The following HDAC9 variants were observed in gnomAD, a reference collection of about 807,000 sequenced individuals.
The protein encoded by HDAC9 is MEF-2 interacting transcription repressor (MITR) protein.
In HDAC9, 41 loss-of-function variants were observed where a neutral mutation model predicts 139.4. That is an observed-to-expected ratio of 0.29 (90% CI 0.23 to 0.38). The LOEUF (loss-of-function observed/expected upper bound fraction) is 0.38. HDAC9 is among the 10% of genes least tolerant of loss of function. The pLI is 1.00. For synonymous variants in HDAC9, 517 were observed against 476.2 expected, an observed-to-expected ratio of 1.09 and a Z score of -1.12; for missense variants, 1,147 against 1,297.0, an observed-to-expected ratio of 0.88 and a Z score of 1.78.
intron 1 of HDAC9, among the ~76,000 whole-genome samples, chr7:18,441,763 TTTGTTG>T (rs200207868): frequency 4.7e-5 from 7 of 150,210 alleles, no homozygotes; most frequent in East Asian, 1.9e-4. Flanking sequence ...ACATATATGT[TTTGTTG>T]TTGTTGTTGT....
chr7:18,190,653 C>T lies in HDAC9; in HGVS notation c.25+28304C>T, dbSNP rs116872291. 4.1e-3 allele frequency among the ~76,000 whole-genome samples: 620 copies of T among 152,230 alleles called. 26 individuals are homozygous for T. In the East Asian group the frequency reaches 0.078, roughly 19 times the overall value. On this transcript the variant is annotated intron_variant, in intron 2 of 12. Transcript: ENST00000417496. ...GAAAACGTTTCTCTAAAACTTTCTA[C>T]GCTATCATTGAAATAGCTATTAAAT... is the stretch of plus-strand genomic sequence containing the variant.
At chr7:18,960,009 A>AACACACACACACACACACACACACAC (rs58030908) in intron 24 of HDAC9, among the ~76,000 whole-genome samples, 1 of 149,026 alleles carries the variant, frequency 6.7e-6, no homozygotes, top group African/African-American at 2.5e-5. Flanking sequence ...TGTTGTTTTA[A>AACACACACACACACACACACACACAC]ACACACACAC....
chr7:18,970,942 G>A (rs1419424198), intron 24 of HDAC9, among the ~76,000 whole-genome samples: 1 of 152,128 alleles, frequency 6.6e-6, no homozygotes. Context: ...TGGTAGATAG[G>A]TGACTTGTGT....
chr7:18,244,183 A>C (rs1794368443), intron 2 of HDAC9, among the ~76,000 whole-genome samples: 1 of 152,052 alleles, frequency 6.6e-6, no homozygotes, highest in African/African-American at 2.4e-5. Context: ...CCAATAGTGC[A>C]GGAGGGTGAG....
At chr7:18,166,201 G>A (rs754833552) in intron 2 of HDAC9, among the ~76,000 whole-genome samples, 2 of 152,142 alleles carry the variant, frequency 1.3e-5, no homozygotes, top group Non-Finnish European at 2.9e-5. Flanking sequence ...GCAATGCTCT[G>A]GCCTTGTGGG....
intron 2 of HDAC9, among the ~76,000 whole-genome samples, chr7:18,274,016 ACCTAT>A (rs2036316147): frequency 6.6e-6 from 1 of 152,200 alleles, no homozygotes; most frequent in South Asian, 2.1e-4. Flanking sequence ...AGAAAATTTC[ACCTAT>A]ATATGTAGTA....
At chr7:18,573,980 C>T (rs79197728) in intron 2 of HDAC9, among the ~76,000 whole-genome samples, 3,705 of 152,298 alleles carry the variant, frequency 0.024, 47 homozygotes, top group South Asian at 0.075. Context: ...CTCTTTTAGT[C>T]CCACCATTTG....
At chr7:18,095,497 A>G (rs927801913) in intron 1 of HDAC9, among the ~76,000 whole-genome samples, 22 of 152,146 alleles carry the variant, frequency 1.4e-4, no homozygotes, top group African/African-American at 5.3e-4. Context: ...GTGGCTCGCT[A>G]GAGATTCATA....
chr7:18,829,494 C>A lies in HDAC9; in HGVS notation c.2412C>A (p.Thr804=). 1 of 1,612,494 alleles carries A rather than the reference C, an allele frequency of 6.2e-7. No individual in the cohort carries two copies. The highest frequency in any genetic ancestry group is 1.1e-5 in the South Asian group (1 of 91,000). The change falls in exon 19 of 26, where the codon ACC becomes ACA. Residue 804 remains threonine, a synonymous_variant. Transcript: ENST00000686413. ...GCTTTTTTAATTCAGTTGCAATTACCGCCAAATACTTGAGAGACCAACTAA... is the reference window on the plus strand; with the variant it reads ...GCTTTTTTAATTCAGTTGCAATTACAGCCAAATACTTGAGAGACCAACTAA... The part of the protein sequence containing the change: ...GFCFFNSVAI[T]AKYLRDQLNI...
intron 25 of HDAC9, among the ~76,000 whole-genome samples, chr7:18,976,294 G>A (rs545422777): frequency 2.6e-5 from 4 of 152,210 alleles, no homozygotes; most frequent in Non-Finnish European, 5.9e-5. Flanking sequence ...AGTTATCTCT[G>A]TTTTTCCAGA....
At chr7:18,987,118 G>C (rs184370897) in intron 25 of HDAC9, among the ~76,000 whole-genome samples, 5 of 152,210 alleles carry the variant, frequency 3.3e-5, no homozygotes, top group Non-Finnish European at 7.3e-5. Context: ...AAGAGGAGTG[G>C]TGAGAGAGGG....
intron 23 of HDAC9, among the ~76,000 whole-genome samples, chr7:18,939,822 C>CTT (rs1206066069): frequency 6.6e-6 from 1 of 152,156 alleles, no homozygotes; most frequent in African/African-American, 2.4e-5. Context: ...TGGGATTTCA[C>CTT]TTTTACAAAT....
chr7:18,831,206 A>T (rs1021683490), intron 19 of HDAC9, among the ~76,000 whole-genome samples: 3 of 152,210 alleles, frequency 2.0e-5, no homozygotes, highest in Non-Finnish European at 2.9e-5. Flanking sequence ...GGATAGTCAA[A>T]AACTGTTAGG....
chr7:18,227,742 A>G (rs886909409), intron 2 of HDAC9, among the ~76,000 whole-genome samples: 8 of 152,096 alleles, frequency 5.3e-5, no homozygotes, highest in African/African-American at 1.7e-4. Flanking sequence ...AAATATTATC[A>G]TATTACTATT....
chr7:18,264,232 G>A (rs547520108), intron 2 of HDAC9, among the ~76,000 whole-genome samples: 2 of 152,064 alleles, frequency 1.3e-5, no homozygotes, highest in Non-Finnish European at 2.9e-5. Context: ...TCTTCTCAGT[G>A]CTCAAGGACT....
chr7:18,902,760 C>T (rs772487216), intron 22 of HDAC9, among the ~76,000 whole-genome samples: 139 of 152,010 alleles, frequency 9.1e-4, no homozygotes, highest in Non-Finnish European at 1.6e-3. Flanking sequence ...ATAAGGAACA[C>T]TTTTGATTTT....
chr7:18,464,739 G>T lies in HDAC9; in HGVS notation c.-41-31523G>T, dbSNP rs7792491. Reference sequence around the variant, plus strand: ...TTTATGTTATCTAGGAATATTTTATGCTTCCTTTTATTTCTGTGTTATAAC... The same window carrying T: ...TTTATGTTATCTAGGAATATTTTATTCTTCCTTTTATTTCTGTGTTATAAC... On this transcript the variant is annotated intron_variant, in intron 1 of 3. Transcript: ENST00000413509. 6.4e-3 allele frequency among the ~76,000 whole-genome samples: 980 copies of T among 152,044 alleles called. 12 individuals carry two copies. Among genetic ancestry groups the T allele is most frequent in the African/African-American group, 0.022 (922 of 41,522 alleles).
intron 2 of HDAC9, among the ~76,000 whole-genome samples, chr7:18,184,793 C>T (rs1352990960): frequency 1.3e-5 from 2 of 152,130 alleles, no homozygotes; most frequent in African/African-American, 4.8e-5. Flanking sequence ...TTCAGAACAG[C>T]TATATAGTTG....
At chr7:18,376,023 G>A (rs1022895453) in intron 1 of HDAC9, among the ~76,000 whole-genome samples, 1 of 152,146 alleles carries the variant, frequency 6.6e-6, no homozygotes, top group Admixed American at 6.5e-5. Flanking sequence ...TTGACCTTGA[G>A]TGTTATCGTT....
Sources: allele counts gnomAD v4.1 joint callset (sites outside exome capture counted in the v4.1 genomes callset), GRCh38; gene constraint gnomAD v4.1.1; transcripts MANE v1.5; gene names NCBI Gene and HGNC (gene_info 2026-07-23, HGNC 2026-07-21).